The following NPAS3 variants were observed in gnomAD, a reference collection of about 807,000 sequenced individuals.
The protein encoded by NPAS3 is neuronal PAS domain protein 3.
Under a neutral mutation model 73.1 loss-of-function variants are expected in NPAS3, and 14 were observed. That is an observed-to-expected ratio of 0.19 (90% CI 0.13 to 0.30). NPAS3 has a LOEUF of 0.30. Ranked by LOEUF, NPAS3 falls within the 10% of genes least tolerant of loss-of-function variation. The pLI is 1.00. For missense variants in NPAS3, 1,096 were observed against 1,250.0 expected (o/e 0.88, Z 1.86); for synonymous variants, 620 against 541.5 (o/e 1.14, Z -2.01).
At chr14:33,334,728 A>T (rs1490378323) in intron 3 of NPAS3, among the ~76,000 whole-genome samples, 2 of 151,968 alleles carry the variant, frequency 1.3e-5, no homozygotes, top group African/African-American at 2.4e-5. Context: ...ATTTTGGGGA[A>T]CCAGTTGTGT....
rs557101942 is a variant in NPAS3, at chr14:33,312,430, CTAGA to C, written c.386-54753_386-54750del. 1.7e-3 allele frequency among the ~76,000 whole-genome samples: 265 copies of C among 151,744 alleles called. 2 individuals carry two copies. Among genetic ancestry groups the C allele is most frequent in the Middle Eastern group, 3.4e-3 (1 of 294 alleles). The stretch of plus-strand genomic sequence containing the variant: ...GTGTGTGAGTGTGTGAAATATTCAG[CTAGA>C]TAATCACACCTGTAGGCTCTTGTAA... On this transcript the variant is annotated intron_variant, in intron 3 of 11. Coordinates refer to ENST00000356141, the Ensembl canonical transcript of NPAS3.
intron 5 of NPAS3, among the ~76,000 whole-genome samples, chr14:33,652,784 G>A (rs762741185): frequency 6.6e-6 from 1 of 152,178 alleles, no homozygotes; most frequent in Non-Finnish European, 1.5e-5. Context: ...GACCAGAAAA[G>A]TCTTATCTAC....
intron 6 of NPAS3, among the ~76,000 whole-genome samples, chr14:33,683,920 G>A (rs886878774): frequency 7.2e-5 from 11 of 152,274 alleles, no homozygotes; most frequent in Non-Finnish European, 1.2e-4. Flanking sequence ...CTAATTACAG[G>A]AGTTAATTCA....
At chr14:33,031,277 A>G (rs575930073) in intron 1 of NPAS3, among the ~76,000 whole-genome samples, 1 of 152,292 alleles carries the variant, frequency 6.6e-6, no homozygotes, top group South Asian at 2.1e-4. Flanking sequence ...ATGGATATTA[A>G]TTTATTTGAT....
chr14:33,776,917 A>T (rs1044543984), intron 8 of NPAS3, among the ~76,000 whole-genome samples: 2 of 152,156 alleles, frequency 1.3e-5, no homozygotes, highest in Non-Finnish European at 2.9e-5. Context: ...TGGTACAGAG[A>T]AGGGCTTGGA....
chr14:33,595,511 A>C (rs1372185753), intron 5 of NPAS3, among the ~76,000 whole-genome samples: 1 of 152,156 alleles, frequency 6.6e-6, no homozygotes, highest in Non-Finnish European at 1.5e-5. Context: ...AAGTTAAAGT[A>C]TATTACATAT....
intron 4 of NPAS3, among the ~76,000 whole-genome samples, chr14:33,507,759 G>C (rs893051047): frequency 6.6e-6 from 1 of 151,940 alleles, no homozygotes; most frequent in Non-Finnish European, 1.5e-5. Context: ...TAAATATCAA[G>C]AGTTAATTTT....
chr14:33,445,302 A>G (rs1171970018), intron 4 of NPAS3, among the ~76,000 whole-genome samples: 1 of 152,202 alleles, frequency 6.6e-6, no homozygotes, highest in African/African-American at 2.4e-5. Flanking sequence ...ATATTACTAT[A>G]TGTACTTCAA....
chr14:33,046,929 G>C (rs1481022540), intron 1 of NPAS3, among the ~76,000 whole-genome samples: 1 of 152,104 alleles, frequency 6.6e-6, no homozygotes, highest in Non-Finnish European at 1.5e-5. Context: ...AGCCGAGATT[G>C]CACCACTGCA....
chr14:33,593,670 C>CTTCTAACG lies in NPAS3; in HGVS notation c.558+33463_558+33470dup, dbSNP rs1308379961. On this transcript the variant is annotated intron_variant, in intron 5 of 11. Transcript: ENST00000356141. ...CTAAACTAAATGATTTCTAAGGTTT[C>CTTCTAACG]TTCTAACGTTTATATTCTATTCTAA... 3.9e-5 allele frequency among the ~76,000 whole-genome samples: 6 copies of CTTCTAACG among 152,316 alleles called. No individual in the cohort carries two copies. In the East Asian group the frequency reaches 1.2e-3, roughly 29 times the overall value.
intron 1 of NPAS3, among the ~76,000 whole-genome samples, chr14:33,043,739 T>G (rs2040416884): frequency 6.6e-6 from 1 of 152,136 alleles, no homozygotes; most frequent in South Asian, 2.1e-4. Flanking sequence ...TGAACTAATT[T>G]TAAAGGCCCA....
chr14:33,262,079 G>A (rs1328239471), intron 3 of NPAS3, among the ~76,000 whole-genome samples: 3 of 152,174 alleles, frequency 2.0e-5, no homozygotes, highest in East Asian at 3.8e-4. Flanking sequence ...TAAGCCTGAT[G>A]TATTCCAAAG....
chr14:33,399,281 G>A (rs2047350167), intron 4 of NPAS3, among the ~76,000 whole-genome samples: 1 of 152,060 alleles, frequency 6.6e-6, no homozygotes, highest in South Asian at 2.1e-4. Flanking sequence ...TATTGTTCAT[G>A]GAGAGAGTCT....
At chr14:33,054,136 G>A (rs1320573695) in intron 1 of NPAS3, among the ~76,000 whole-genome samples, 5 of 152,148 alleles carry the variant, frequency 3.3e-5, no homozygotes, top group Non-Finnish European at 7.4e-5. Flanking sequence ...TAATTTGTCA[G>A]GTGGGCCTAT....
chr14:33,572,832 G>A (rs981824454), intron 5 of NPAS3, among the ~76,000 whole-genome samples: 1 of 151,974 alleles, frequency 6.6e-6, no homozygotes. Context: ...AGACCAGCCT[G>A]GCCAACATGG....
Position 33,597,541 on chromosome 14 carries a change from G to C in NPAS3, c.558+37331G>C, listed in dbSNP as rs192215720. Among the ~76,000 whole-genome samples, 41 of 152,334 alleles carry C rather than the reference G, an allele frequency of 2.7e-4. 1 individual carries two copies. In the East Asian group the frequency reaches 7.3e-3, roughly 27 times the overall value. ...ATTTGAAGAAAAGTCAGTTGATTTA[G>C]AAACAGGTTTAGCTCCAGATTGCCA... On this transcript the variant is annotated intron_variant, in intron 5 of 11. Transcript: ENST00000356141.
chr14:32,990,556 C>T (rs1213398887), intron 1 of NPAS3, among the ~76,000 whole-genome samples: 5 of 151,972 alleles, frequency 3.3e-5, no homozygotes, highest in Non-Finnish European at 5.9e-5. Flanking sequence ...TACCAGTGGG[C>T]AAATCCAGTA....
intron 4 of NPAS3, among the ~76,000 whole-genome samples, chr14:33,521,454 A>G (rs774233970): frequency 2.6e-5 from 4 of 151,330 alleles, no homozygotes; most frequent in Non-Finnish European, 4.4e-5. Context: ...GCTGAGTGCT[A>G]TAACACTGCT....
At chr14:33,768,289 G>A (rs561766879) in intron 7 of NPAS3, among the ~76,000 whole-genome samples, 3 of 152,136 alleles carry the variant, frequency 2.0e-5, no homozygotes, top group Non-Finnish European at 4.4e-5. Flanking sequence ...CATGAGGATC[G>A]AGCTCTTATG....
Sources: gnomAD v4.1 joint callset for allele counts (sites outside exome capture counted in the v4.1 genomes callset) on GRCh38, gnomAD v4.1.1 for gene constraint, MANE v1.5 for transcripts, NCBI Gene and HGNC (gene_info 2026-07-23, HGNC 2026-07-21) for gene names.